The following CRYBG3 variants were observed in gnomAD, a reference collection of about 807,000 sequenced individuals.
The protein encoded by CRYBG3 is crystallin beta-gamma domain containing 3, also known as very large A-kinase anchor protein.
A neutral mutation model predicts 244.2 loss-of-function variants in CRYBG3; 127 were observed. The observed-to-expected ratio is 0.52, with a 90% CI of 0.45 to 0.60. The LOEUF is 0.60. Ranked by LOEUF, CRYBG3 falls within the 20% of genes least tolerant of loss-of-function variation. The pLI is 0.00. For synonymous variants in CRYBG3, 1,132 were observed against 1,195.8 expected (o/e 0.95, Z 1.10); for missense variants, 3,325 against 3,442.5 (o/e 0.97, Z 0.85).
intron 19 of CRYBG3, 45 bp downstream of exon 19, chr3:97,936,953 G>T: frequency 6.3e-7 from 1 of 1,594,638 alleles, no homozygotes; most frequent in South Asian, 1.1e-5. Flanking sequence ...TTGCTTTTGT[G>T]GTAGAAATGT....
rs548821100 is a variant in CRYBG3 at position 97,924,785 on chromosome 3, T to C, written c.8242-8909T>C. Reference sequence around the variant, plus strand: ...AGTAATCTAGATGATTGTGCCTATCTCAAGGTCCTTAATTACTAATATCTG... The same window carrying C: ...AGTAATCTAGATGATTGTGCCTATCCCAAGGTCCTTAATTACTAATATCTG... On this transcript the variant is annotated intron_variant, in intron 17 of 21. Coordinates refer to ENST00000389622, the MANE Select transcript of CRYBG3 (RefSeq NM_153605.4). Among the ~76,000 whole-genome samples, 5 of 152,208 alleles carry C rather than the reference T, an allele frequency of 3.3e-5. No individual in the cohort carries two copies. In the East Asian group the frequency reaches 7.7e-4, roughly 24 times the overall value.
At chr3:97,935,787 A>C (rs1471345229) in intron 18 of CRYBG3, among the ~76,000 whole-genome samples, 1 of 152,036 alleles carries the variant, frequency 6.6e-6, no homozygotes, top group East Asian at 1.9e-4. Flanking sequence ...TCTGATAAGC[A>C]GACTACCTTG....
Position 97,881,057 on chromosome 3 carries a change from T to C in CRYBG3, c.7005-15T>C. 6.4e-7 allele frequency: 1 copy of C among 1,567,728 alleles called. No homozygotes were observed. Among genetic ancestry groups the C allele is most frequent in the Non-Finnish European group, 8.6e-7 (1 of 1,161,708 alleles). ...AAATTAAATATAACTCATCATTGCA[T>C]TTCTCTTTGTTTAGCTGGATTTTAT... On this transcript the variant is annotated splice_polypyrimidine_tract_variant and intron_variant, in intron 6 of 21. Coordinates refer to ENST00000389622, the MANE Select transcript of CRYBG3 (RefSeq NM_153605.4).
At chr3:97,879,542 A>T (rs190998683) in intron 4 of CRYBG3, among the ~76,000 whole-genome samples, 162 bp from the exon 5 acceptor site, 26 of 152,278 alleles carry the variant, frequency 1.7e-4, no homozygotes, top group African/African-American at 6.3e-4. Context: ...TTAATTTCCT[A>T]TATATTTGTA....
intron 2 of CRYBG3, among the ~76,000 whole-genome samples, chr3:97,851,747 G>A (rs2038988852): frequency 6.6e-6 from 1 of 152,166 alleles, no homozygotes; most frequent in African/African-American, 2.4e-5. Flanking sequence ...GACCTTGAAG[G>A]CAATGCCAGG....
At position 97,874,275 on chromosome 3, in the gene CRYBG3, C is replaced by G; in HGVS notation, c.3081C>G (p.Ser1027Arg). The G allele has an allele frequency of 6.5e-7, 1 of 1,534,750 alleles. No homozygotes were observed. The change falls in exon 4 of 22, where the codon AGC becomes AGG. Residue 1027 changes from serine (S) to arginine (R), a missense_variant. By Grantham distance (110) the Ser-to-Arg change is moderately radical. Transcript: ENST00000389622. ...ATTCTTCTGCATCTGAGGACTCAAG[C>G]TTCCTTAAAGTACCTTCTGTGCTGA... is the stretch of plus-strand genomic sequence containing the variant. ...EKNSSASEDS[S>R]FLKVPSVLKL... is the part of the protein sequence containing the mutation.
chr3:97,942,688 A>G (rs1452371755), intron 21 of CRYBG3: 1 of 352,446 alleles, frequency 2.8e-6, no homozygotes, highest in African/African-American at 2.1e-5. Flanking sequence ...ACGTGAACTC[A>G]GAACAGTTCT....
At chr3:97,822,490 C>T (rs1284806648) in intron 1 of CRYBG3, 135 bp downstream of exon 1, 1 of 834,840 alleles carries the variant, frequency 1.2e-6, no homozygotes, top group African/African-American at 1.8e-5. Flanking sequence ...CTCCTTCCTC[C>T]ATTGCTAAAG....
At chr3:97,913,787 G>C (rs1325249014) in intron 16 of CRYBG3, among the ~76,000 whole-genome samples, 1 of 152,110 alleles carries the variant, frequency 6.6e-6, no homozygotes, top group Non-Finnish European at 1.5e-5. Context: ...CTTACGTTTA[G>C]GATATTTTTC....
chr3:97,932,790 A>G (rs1263046199), intron 17 of CRYBG3, among the ~76,000 whole-genome samples: 2 of 151,996 alleles, frequency 1.3e-5, no homozygotes. Flanking sequence ...AACATGTCCC[A>G]TGTGTTTCTC....
intron 16 of CRYBG3, among the ~76,000 whole-genome samples, chr3:97,912,866 A>C (rs1387137528): frequency 1.3e-5 from 2 of 152,094 alleles, no homozygotes; most frequent in Non-Finnish European, 2.9e-5. Context: ...ATATTCTACA[A>C]TTTTTTTATT....
At chr3:97,932,034 A>G (rs1313412555) in intron 17 of CRYBG3, among the ~76,000 whole-genome samples, 1 of 152,048 alleles carries the variant, frequency 6.6e-6, no homozygotes, top group Non-Finnish European at 1.5e-5. Context: ...AAATATTCCC[A>G]TGGTTCAAAA....
At chr3:97,924,737 G>A (rs1335055952) in intron 17 of CRYBG3, among the ~76,000 whole-genome samples, 1 of 152,004 alleles carries the variant, frequency 6.6e-6, no homozygotes, top group Non-Finnish European at 1.5e-5. Flanking sequence ...CAGGGACCCT[G>A]GTGGCCACTT....
chr3:97,834,005 A>G (rs2108158416), intron 1 of CRYBG3, among the ~76,000 whole-genome samples: 1 of 152,194 alleles, frequency 6.6e-6, no homozygotes, highest in East Asian at 1.9e-4. Flanking sequence ...TGGAACTAAC[A>G]GAGTGAAAAA....
chr3:97,858,416 A>G (rs1411403633), intron 2 of CRYBG3, among the ~76,000 whole-genome samples: 1 of 152,072 alleles, frequency 6.6e-6, no homozygotes, highest in East Asian at 1.9e-4. Context: ...TCCTGGATCT[A>G]GATGTCTATA....
At chr3:97,842,483 C>T (rs567650482) in intron 1 of CRYBG3, among the ~76,000 whole-genome samples, 1 of 151,934 alleles carries the variant, frequency 6.6e-6, no homozygotes, top group African/African-American at 2.4e-5. Context: ...ATTGCTTGAG[C>T]CCAAGAGGCT....
intron 2 of CRYBG3, among the ~76,000 whole-genome samples, chr3:97,862,698 G>T (rs2039168316): frequency 6.6e-6 from 1 of 152,134 alleles, no homozygotes; most frequent in Non-Finnish European, 1.5e-5. Context: ...TGAGCAGAAG[G>T]TTGGACGGGT....
intron 2 of CRYBG3, among the ~76,000 whole-genome samples, chr3:97,860,894 A>G (rs562856607): frequency 6.6e-6 from 1 of 152,040 alleles, no homozygotes; most frequent in East Asian, 1.9e-4. Context: ...ACATTCTTAA[A>G]TTGTGCCTCT....
At chr3:97,840,206 G>A (rs1181817929) in intron 1 of CRYBG3, among the ~76,000 whole-genome samples, 2 of 152,046 alleles carry the variant, frequency 1.3e-5, no homozygotes. Flanking sequence ...GTAATGTCAA[G>A]TGGTTCTGGG....
Sources: allele counts gnomAD v4.1 joint callset (sites outside exome capture counted in the v4.1 genomes callset), GRCh38; gene constraint gnomAD v4.1.1; transcripts MANE v1.5; gene names NCBI Gene and HGNC (gene_info 2026-07-23, HGNC 2026-07-21).